The following GRAMD2B variants were observed in gnomAD, a reference collection of about 807,000 sequenced individuals.
GRAMD2B encodes the protein GRAM domain-containing protein 2B.
Under a neutral mutation model 59.2 loss-of-function variants are expected in GRAMD2B, and 41 were observed. The ratio of observed to expected loss-of-function variants is 0.69; its 90% CI spans 0.54 to 0.90. The LOEUF (loss-of-function observed/expected upper bound fraction) is 0.90, where lower values mean the gene tolerates loss of function less well. Among genes scored for constraint, GRAMD2B ranks in the 40% least tolerant of loss-of-function variants. GRAMD2B has a pLI of 0.00. For synonymous variants in GRAMD2B, 161 were observed against 182.7 expected (o/e 0.88, Z 0.96); for missense variants, 424 against 500.5 (o/e 0.85, Z 1.46).
intron 1 of GRAMD2B, among the ~76,000 whole-genome samples, chr5:126,454,671 A>C (rs1765953663): frequency 1.3e-5 from 2 of 152,186 alleles, no homozygotes; most frequent in African/African-American, 4.8e-5. Context: ...TCATGAGAAC[A>C]GAGGGGTCTT....
At chr5:126,421,952 C>T (rs1352566162), upstream of GRAMD2B, among the ~76,000 whole-genome samples, 1 of 152,170 alleles carries the variant, frequency 6.6e-6, no homozygotes, top group Non-Finnish European at 1.5e-5. Context: ...CCAGGCATGT[C>T]ATGCTCTACT....
chr5:126,365,065 A>T (rs1261196506), intron 1 of GRAMD2B, among the ~76,000 whole-genome samples: 7 of 152,238 alleles, frequency 4.6e-5, no homozygotes, highest in African/African-American at 1.7e-4. Flanking sequence ...TTTGATGATG[A>T]TAAAATGTTC....
intron 1 of GRAMD2B, among the ~76,000 whole-genome samples, chr5:126,384,380 T>C (rs894725849): frequency 2.0e-5 from 3 of 152,202 alleles, no homozygotes; most frequent in African/African-American, 2.4e-5. Flanking sequence ...GATCTAGAAA[T>C]AAACTGCACA....
At chr5:126,405,987 G>T (rs113379684) in intron 1 of GRAMD2B, among the ~76,000 whole-genome samples, 1,520 of 151,888 alleles carry the variant, frequency 0.01, 40 homozygotes, top group African/African-American at 0.035. Context: ...AAAGTAGGCA[G>T]AAAAAGTCCT....
intron 1 of GRAMD2B, among the ~76,000 whole-genome samples, chr5:126,395,922 C>G (rs1014926169): frequency 2.9e-4 from 44 of 152,152 alleles, no homozygotes; most frequent in Admixed American, 2.0e-3. Context: ...ATTAACATAT[C>G]CATTACCTCA....
At chr5:126,432,525 A>C (rs1355660636) in intron 1 of GRAMD2B, among the ~76,000 whole-genome samples, 1 of 152,202 alleles carries the variant, frequency 6.6e-6, no homozygotes, top group Non-Finnish European at 1.5e-5. Context: ...AGTGATGAAA[A>C]ACTATCAATT....
intron 1 of GRAMD2B, among the ~76,000 whole-genome samples, chr5:126,363,532 C>G (rs1472448499): frequency 6.6e-6 from 1 of 151,922 alleles, no homozygotes; most frequent in Non-Finnish European, 1.5e-5. Flanking sequence ...TTTTTAATAG[C>G]CAAAAAGTAG....
intron 1 of GRAMD2B, among the ~76,000 whole-genome samples, chr5:126,434,572 C>T (rs936280255): frequency 1.3e-5 from 2 of 151,780 alleles, no homozygotes; most frequent in African/African-American, 2.4e-5. Flanking sequence ...GGCTGGAGTG[C>T]AGTGGTGCGA....
chr5:126,368,083 A>G (rs1754551218), upstream of GRAMD2B, among the ~76,000 whole-genome samples: 1 of 152,122 alleles, frequency 6.6e-6, no homozygotes, highest in Admixed American at 6.6e-5. Flanking sequence ...CTCAATTCCC[A>G]TGGAAGGATA....
Position 126,377,970 on chromosome 5 carries a change from A to G in GRAMD2B, c.125+6403A>G, listed in dbSNP as rs183606016. ...TGCCTAGTCAAGACAGTTCTCTCCTATTAGGACTATATACTCGATAATGCA... is the reference window on the plus strand; with the variant it reads ...TGCCTAGTCAAGACAGTTCTCTCCTGTTAGGACTATATACTCGATAATGCA... On this transcript the variant is annotated intron_variant, in intron 1 of 8. Transcript: ENST00000506445. Among the ~76,000 whole-genome samples the G allele has an allele frequency of 2.3e-4, 35 of 152,298 alleles. No individual in the cohort carries two copies. In the East Asian group the frequency reaches 5.6e-3, roughly 24 times the overall value.
At chr5:126,420,946 C>T (rs909506070), upstream of GRAMD2B, among the ~76,000 whole-genome samples, 2 of 152,126 alleles carry the variant, frequency 1.3e-5, no homozygotes, top group South Asian at 4.1e-4. Flanking sequence ...ATGGATTGAC[C>T]TTGAAAACAT....
intron 1 of GRAMD2B, among the ~76,000 whole-genome samples, chr5:126,387,865 A>T (rs1457901270): frequency 6.6e-6 from 1 of 152,208 alleles, no homozygotes; most frequent in African/African-American, 2.4e-5. Flanking sequence ...TTTAAAAAAA[A>T]TTTAGATAGT....
intron 1 of GRAMD2B, among the ~76,000 whole-genome samples, chr5:126,445,056 C>T (rs1483727208): frequency 1.3e-5 from 2 of 152,180 alleles, no homozygotes; most frequent in Non-Finnish European, 2.9e-5. Context: ...CGTAGTATTC[C>T]ATGGTGTATA....
At chr5:126,395,401 G>A (rs1050671740) in intron 1 of GRAMD2B, among the ~76,000 whole-genome samples, 12 of 152,136 alleles carry the variant, frequency 7.9e-5, no homozygotes, top group African/African-American at 2.4e-4. Flanking sequence ...GAATTATGCT[G>A]TCTTGTGGAT....
At chr5:126,443,812 G>A (rs911507839) in intron 1 of GRAMD2B, among the ~76,000 whole-genome samples, 2 of 152,248 alleles carry the variant, frequency 1.3e-5, no homozygotes, top group African/African-American at 4.8e-5. Context: ...CACTTTGGGA[G>A]GCTGAGGCAG....
upstream of GRAMD2B, among the ~76,000 whole-genome samples, chr5:126,418,492 A>G (rs997158155): frequency 3.3e-5 from 5 of 152,326 alleles, no homozygotes; most frequent in East Asian, 5.8e-4. Context: ...AGTGCTAAGC[A>G]TAGTGGTTGC....
intron 1 of GRAMD2B, among the ~76,000 whole-genome samples, chr5:126,361,596 C>T (rs1754225664): frequency 6.6e-6 from 1 of 151,916 alleles, no homozygotes; most frequent in South Asian, 2.1e-4. Flanking sequence ...TGAATAAATT[C>T]CCTCTGCTCC....
chr5:126,445,004 A>G (rs1187637376), intron 1 of GRAMD2B, among the ~76,000 whole-genome samples: 1 of 152,204 alleles, frequency 6.6e-6, no homozygotes, highest in Non-Finnish European at 1.5e-5. Flanking sequence ...AGCTCCATCC[A>G]TGTTCCTGCA....
In GRAMD2B at chr5:126,474,480, T is replaced by A. The variant is rs111915902; in HGVS notation, c.486+1112T>A. 3.1e-3 allele frequency among the ~76,000 whole-genome samples: 472 copies of A among 152,338 alleles called. 6 individuals carry two copies. Among genetic ancestry groups the A allele is most frequent in the African/African-American group, 0.011 (453 of 41,574 alleles). Reference sequence around the variant, plus strand: ...AAGCATTATTTGATCGACAGTATTATCTGAATCAGTATAATACAAAGCAAT... The same window carrying A: ...AAGCATTATTTGATCGACAGTATTAACTGAATCAGTATAATACAAAGCAAT... On this transcript the variant is annotated intron_variant, in intron 5 of 13. Transcript: ENST00000285689.
Sources: allele counts gnomAD v4.1 joint callset (sites outside exome capture counted in the v4.1 genomes callset), GRCh38; gene constraint gnomAD v4.1.1; transcripts MANE v1.5; gene names NCBI Gene and HGNC (gene_info 2026-07-23, HGNC 2026-07-21).